ISL1: variants seen among roughly 807,000 people sequenced by gnomAD.
ISL1 encodes insulin gene enhancer protein ISL-1.
A neutral mutation model predicts 35.3 loss-of-function variants in ISL1; 4 were observed. The observed-to-expected ratio is 0.11, with a 90% confidence interval of 0.06 to 0.26. The LOEUF (loss-of-function observed/expected upper bound fraction) is 0.26. ISL1 is among the 10% of genes least tolerant of loss of function. ISL1 has a pLI of 1.00. For synonymous variants in ISL1, 186 were observed against 172.3 expected (o/e 1.08, Z -0.62); for missense variants, 340 against 472.8 (o/e 0.72, Z 2.60).
chr5:51,389,238 A>G lies in ISL1; in HGVS notation c.479-408A>G, dbSNP rs1287748206. 1.3e-5 allele frequency among the ~76,000 whole-genome samples: 2 copies of G among 152,050 alleles called. No homozygotes were observed. The highest frequency in any genetic ancestry group is 2.9e-5 in the Non-Finnish European group (2 of 68,020). ...GTGGTAATCAATGTAACTGGGGCCCAGTCTGGGCACAAGGAAAGGTGAGAA... is the reference window on the plus strand; with the variant it reads ...GTGGTAATCAATGTAACTGGGGCCCGGTCTGGGCACAAGGAAAGGTGAGAA... On this transcript the variant is annotated intron_variant, in intron 3 of 5. Coordinates refer to ENST00000230658, the MANE Select transcript of ISL1 (RefSeq NM_002202.3). This position sits in a 1 kb window ranked among gnomAD's most constrained non-coding sequence, Gnocchi z 5.0.
In ISL1 at chr5:51,394,339, T is replaced by A. The variant is rs1160543958; in HGVS notation, c.*729T>A. 6.6e-6 allele frequency: 1 copy of A among 152,560 alleles called. No individual in the cohort carries two copies. The highest frequency in any genetic ancestry group is 1.5e-5 in the Non-Finnish European group (1 of 68,068). 9.5% of individuals were successfully genotyped at this position (152,560 alleles called of 1,614,324 possible). On this transcript the variant is annotated 3_prime_UTR_variant, in exon 6 of 6. Coordinates refer to ENST00000230658, the MANE Select transcript of ISL1 (RefSeq NM_002202.3). ...GGTTACCTCTATTTTGCCACAAGCG[T>A]CTCGGGATTGTGTTTGACTTGTGTC...
Position 51,389,863 on chromosome 5 carries a change from G to A in ISL1, c.696G>A (p.Lys232=). 1 of 1,614,214 alleles carries A rather than the reference G, an allele frequency of 6.2e-7. No homozygotes were observed. Among genetic ancestry groups the A allele is most frequent in the Non-Finnish European group, 8.5e-7 (1 of 1,180,044 alleles). The change falls in exon 4 of 6, where the codon AAG becomes AAA. Residue 232 remains lysine, a synonymous_variant. Coordinates refer to ENST00000230658, the MANE Select transcript of ISL1 (RefSeq NM_002202.3). This position sits in a 1 kb window ranked among gnomAD's most constrained non-coding sequence, Gnocchi z 5.0. ...TGATCCGGGTCTGGTTTCAAAACAA[G>A]CGGTGCAAGGACAAGAAGCGAAGCA... The part of the protein sequence containing the change: ...PRVIRVWFQN[K]RCKDKKRSIM...
In ISL1 at chr5:51,393,701, C is replaced by T. The variant is rs1266910903; in HGVS notation, c.*91C>T. 1 of 839,170 alleles carries T rather than the reference C, an allele frequency of 1.2e-6. No individual in the cohort carries two copies. Among genetic ancestry groups the T allele is most frequent in the Admixed American group, 1.7e-5 (1 of 58,682 alleles). The allele number at this position is 839,170 out of a possible 1,614,324, so 52.0% of individuals were successfully genotyped here. ...AAACAAAAGTATTTAACGACCCAGT[C>T]AATGAAAACTGAATCAAGAAATGAA... On this transcript the variant is annotated 3_prime_UTR_variant, in exon 6 of 6. Coordinates refer to ENST00000230658, the MANE Select transcript of ISL1 (RefSeq NM_002202.3).
chr5:51,385,210 G>A (rs1185132395), intron 2 of ISL1, among the ~76,000 whole-genome samples: 2 of 152,220 alleles, frequency 1.3e-5, no homozygotes, highest in African/African-American at 4.8e-5. Flanking sequence ...CATGTTTAGA[G>A]ATGTACTTTG....
At chr5:51,384,839 T>A in intron 2 of ISL1, 109 bp downstream of exon 2, 1 of 1,061,644 alleles carries the variant, frequency 9.4e-7, no homozygotes, top group Non-Finnish European at 1.5e-6. Context: ...TGCCTCAGTG[T>A]AGTCATACAA....
Position 51,393,879 on chromosome 5 carries a change from A to G in ISL1, c.*269A>G, listed in dbSNP as rs1398342513. 25 of 479,298 alleles carry G rather than the reference A, an allele frequency of 5.2e-5. No individual in the cohort carries two copies. The highest frequency in any genetic ancestry group is 8.3e-5 in the Non-Finnish European group (22 of 265,556). The allele number at this position is 479,298 out of a possible 1,614,324, so 29.7% of individuals were successfully genotyped here. A position where few individuals can be genotyped will look rare whatever the true frequency, so the allele number is the denominator to read the frequency against. On this transcript the variant is annotated 3_prime_UTR_variant, in exon 6 of 6. Coordinates refer to ENST00000230658, the MANE Select transcript of ISL1 (RefSeq NM_002202.3). ...AATGATCTTAGAAGTACTGAAAAAAAAAGACGTTTTTAAAACGTAGAGGAT... is the reference window on the plus strand; with the variant it reads ...AATGATCTTAGAAGTACTGAAAAAAGAAGACGTTTTTAAAACGTAGAGGAT...
At chr5:51,383,916 G>A (rs1747274974) in intron 1 of ISL1, among the ~76,000 whole-genome samples, 1 of 152,110 alleles carries the variant, frequency 6.6e-6, no homozygotes, top group Non-Finnish European at 1.5e-5. Context: ...ATTCGCCTGT[G>A]TGCCCTCCAA....
Position 51,394,578 on chromosome 5 carries a change from G to A in ISL1, c.*968G>A, listed in dbSNP as rs1285391992. On this transcript the variant is annotated 3_prime_UTR_variant, in exon 6 of 6. Coordinates refer to ENST00000230658, the MANE Select transcript of ISL1 (RefSeq NM_002202.3). The stretch of plus-strand genomic sequence containing the variant: ...TTTGTTTGCTGAAGTGAAAAAAAAA[G>A]ATAAAGGTTGTACGGTGGTCTTTGA... 6.6e-6 allele frequency: 1 copy of A among 152,264 alleles called. No individual in the cohort carries two copies. The highest frequency in any genetic ancestry group is 2.4e-5 in the African/African-American group (1 of 41,312). The allele number at this position is 152,264 out of a possible 1,614,324, so 9.4% of individuals were successfully genotyped here. A position where few individuals can be genotyped will look rare whatever the true frequency, so the allele number is the denominator to read the frequency against.
Position 51,393,510 on chromosome 5 carries a change from G to A in ISL1, c.950G>A (p.Gly317Glu). The change falls in exon 6 of 6, where the codon GGA becomes GAA. Residue 317 changes from glycine to glutamate, a missense_variant. This residue lies in a region of ISL1 where 104 missense variants were observed against 97.3 expected (regional missense o/e 1.07). Transcript: ENST00000230658. ...TCTATGCAGGTCAATTTTTCAGAAG[G>A]AGGACCGGGCTCTAATTCCACTGGC... ...AFQQLVNFSE[G>E]GPGSNSTGSE... 6.2e-7 allele frequency: 1 copy of A among 1,612,254 alleles called. No homozygotes were observed. The highest frequency in any genetic ancestry group is 8.5e-7 in the Non-Finnish European group (1 of 1,178,338).
rs1747294392 is a variant in ISL1 at position 51,384,435 on chromosome 5, G to GA, written c.29-99dup. 6 of 889,342 alleles carry GA rather than the reference G, an allele frequency of 6.7e-6. No homozygotes were observed. The East Asian group carries it at 8.0e-5, about 12-fold the overall frequency. The allele number at this position is 889,342 out of a possible 1,614,324, so 55.1% of individuals were successfully genotyped here. On this transcript the variant is annotated intron_variant, in intron 1 of 5. Transcript: ENST00000230658. Reference sequence around the variant, plus strand: ...AAAAAAAAAGAAAGAAAGAAAGAAAGAAAAAAACCTCCCAGAGTACGCCCT... The same window carrying GA: ...AAAAAAAAAGAAAGAAAGAAAGAAAGAAAAAAAACCTCCCAGAGTACGCCCT...
In ISL1 at chr5:51,389,767, C is replaced by T. The variant is rs1489524007; in HGVS notation, c.600C>T (p.Tyr200=). Reference sequence around the variant, plus strand: ...AGCTGCACACCTTGCGGACCTGCTACGCCGCAAACCCGCGGCCAGATGCGC... The same window carrying T: ...AGCTGCACACCTTGCGGACCTGCTATGCCGCAAACCCGCGGCCAGATGCGC... ...EKQLHTLRTC[Y]AANPRPDALM... is the part of the protein sequence containing the mutation. The change falls in exon 4 of 6, where the codon TAC becomes TAT. Residue 200 remains tyrosine (Y), a synonymous_variant. Transcript: ENST00000230658. The surrounding 1 kb of genome is among the most constrained non-coding windows in gnomAD (Gnocchi z 5.0). 6.2e-7 allele frequency: 1 copy of T among 1,614,190 alleles called. No homozygotes were observed. Among genetic ancestry groups the T allele is most frequent in the South Asian group, 1.1e-5 (1 of 91,088 alleles).
chr5:51,391,333 T>C lies in ISL1; in HGVS notation c.825T>C (p.Gly275=), dbSNP rs777190383. 9.9e-6 allele frequency: 16 copies of C among 1,611,776 alleles called. No homozygotes were observed. The Admixed American group carries it at 2.5e-4, about 25-fold the overall frequency. Residue 275 remains glycine (G), a synonymous_variant, in exon 5 of 6, where the codon GGT becomes GGC. Transcript: ENST00000230658. Reference sequence around the variant, plus strand: ...CTGCCAGTCCAGAGAGACACGACGGTGGCTTACAGGCTAACCCAGTGGAAG... The same window carrying C: ...CTGCCAGTCCAGAGAGACACGACGGCGGCTTACAGGCTAACCCAGTGGAAG... The part of the protein sequence containing the change: ...MVAASPERHD[G]GLQANPVEVQ...
chr5:51,384,424 A>G lies in ISL1; in HGVS notation c.29-117A>G, dbSNP rs1561205638. 3.4e-6 allele frequency: 3 copies of G among 873,214 alleles called. No homozygotes were observed. In the South Asian group the frequency reaches 4.7e-5, roughly 14 times the overall value. 54.1% of individuals were successfully genotyped at this position (873,214 alleles called of 1,614,324 possible). A position where few individuals can be genotyped will look rare whatever the true frequency, so the allele number is the denominator to read the frequency against. On this transcript the variant is annotated intron_variant, in intron 1 of 5. Coordinates refer to ENST00000230658, the MANE Select transcript of ISL1 (RefSeq NM_002202.3). ...GCTCTAAAAAAAAAAAAAAAGAAAG[A>G]AAGAAAGAAAGAAAAAAACCTCCCA... is the stretch of plus-strand genomic sequence containing the variant.
At chr5:51,392,364 G>A (rs1365424122) in intron 5 of ISL1, among the ~76,000 whole-genome samples, 1 of 152,004 alleles carries the variant, frequency 6.6e-6, no homozygotes, top group African/African-American at 2.4e-5. Flanking sequence ...AAAATGTAAA[G>A]ATCTATCCTG....
At position 51,389,588 on chromosome 5, in the gene ISL1, C is replaced by T. The variant is rs1747435379; in HGVS notation, c.479-58C>T. 8.5e-6 allele frequency: 12 copies of T among 1,405,052 alleles called. No individual in the cohort carries two copies. In the East Asian group the frequency reaches 1.1e-4, roughly 13 times the overall value. The allele number at this position is 1,405,052 out of a possible 1,614,324, so 87.0% of individuals were successfully genotyped here. On this transcript the variant is annotated intron_variant, in intron 3 of 5. Transcript: ENST00000230658. The surrounding 1 kb of genome is among the most constrained non-coding windows in gnomAD (Gnocchi z 5.0). ...GAGCGAGCGAGCGAGCGCGCGACCG[C>T]GGGCGGGCCGGCAAGCGAGCCTCCA...
At chr5:51,390,079 T>C in intron 4 of ISL1, 147 bp downstream of exon 4, 1 of 931,078 alleles carries the variant, frequency 1.1e-6, no homozygotes, top group Non-Finnish European at 1.6e-6. Flanking sequence ...CTTACCCCCC[T>C]ACCCATGCCC....
At chr5:51,390,642 C>CT (rs57707586) in intron 4 of ISL1, among the ~76,000 whole-genome samples, 65 of 40,220 alleles carry the variant, frequency 1.6e-3, no homozygotes, top group African/African-American at 2.6e-3. Context: ...CTTTCTTTTT[C>CT]TTTTTTTTTT....
chr5:51,384,986 G>T (rs1007913095), intron 2 of ISL1, among the ~76,000 whole-genome samples: 1 of 152,190 alleles, frequency 6.6e-6, no homozygotes, highest in Non-Finnish European at 1.5e-5. Context: ...TACTCTTGGA[G>T]TTTATGATGC....
In ISL1 at chr5:51,387,513, A is replaced by T. The variant is rs1279325891; in HGVS notation, c.242A>T (p.Lys81Met). The T allele has an allele frequency of 3.1e-6, 5 of 1,614,140 alleles. No homozygotes were observed. Among genetic ancestry groups the T allele is most frequent in the Non-Finnish European group, 4.2e-6 (5 of 1,180,010 alleles). Reference sequence around the variant, plus strand: ...AGGTTGTACGGGATCAAATGCGCCAAGTGCAGCATCGGCTTCAGCAAGAAC... The same window carrying T: ...AGGTTGTACGGGATCAAATGCGCCATGTGCAGCATCGGCTTCAGCAAGAAC... Reference protein sequence around the residue: ...YIRLYGIKCAKCSIGFSKNDF... With the variant: ...YIRLYGIKCAMCSIGFSKNDF... The change falls in exon 3 of 6, where the codon AAG becomes ATG. Residue 81 changes from lysine (K) to methionine (M), a missense_variant. Lys to Met is a moderately conservative substitution (Grantham distance 95). This residue lies in a region of ISL1 where 70 missense variants were observed against 130.3 expected (regional missense o/e 0.54). Coordinates refer to ENST00000230658, the MANE Select transcript of ISL1 (RefSeq NM_002202.3). The surrounding 1 kb of genome is among the most constrained non-coding windows in gnomAD (Gnocchi z 4.3).
Sources: gnomAD v4.1 joint callset for allele counts (sites outside exome capture counted in the v4.1 genomes callset) on GRCh38, gnomAD v4.1.1 for gene constraint, gnomAD v4.1.1 regional missense constraint, Gnocchi (gnomAD v3.1) non-coding constraint, MANE v1.5 for transcripts, NCBI Gene and HGNC (gene_info 2026-07-23, HGNC 2026-07-21) for gene names.